Variants in DCC observed in about 807,000 individuals in gnomAD.
DCC encodes netrin receptor DCC.
A neutral mutation model predicts 172.5 loss-of-function variants in DCC; 58 were observed. The ratio of observed to expected loss-of-function variants is 0.34; its 90% CI spans 0.27 to 0.42. The LOEUF (loss-of-function observed/expected upper bound fraction) is 0.42. Ranked by LOEUF, DCC falls within the 10% of genes least tolerant of loss-of-function variation. The pLI is 1.00. For synonymous variants in DCC, 709 were observed against 644.5 expected (o/e 1.10, Z -1.52); for missense variants, 1,740 against 1,791.0 (o/e 0.97, Z 0.51).
In DCC at chr18:53,419,400, T is replaced by G. The variant is rs192801186; in HGVS notation, c.3163+3244T>G. On this transcript the variant is annotated intron_variant, in intron 21 of 28. Transcript: ENST00000442544. ...TCTTACTCATTATTTCTAACTATAT[T>G]TTTATACCCATTAATCATCTTCACC... is the stretch of plus-strand genomic sequence containing the variant. Among the ~76,000 whole-genome samples the G allele has an allele frequency of 2.8e-4, 42 of 152,228 alleles. 1 individual carries two copies. In the East Asian group the frequency reaches 8.1e-3, roughly 29 times the overall value.
intron 14 of DCC, among the ~76,000 whole-genome samples, chr18:53,338,719 TATTA>T (rs1281331880): frequency 2.0e-5 from 3 of 152,192 alleles, no homozygotes; most frequent in Non-Finnish European, 4.4e-5. Flanking sequence ...TATTAAAACA[TATTA>T]ATTTTCAACA....
At chr18:52,974,619 A>G (rs1270827030) in intron 5 of DCC, among the ~76,000 whole-genome samples, 1 of 152,230 alleles carries the variant, frequency 6.6e-6, no homozygotes, top group Non-Finnish European at 1.5e-5. Flanking sequence ...ATGAGAATAA[A>G]TAGTAACAGT....
intron 26 of DCC, 117 bp downstream of exon 26, chr18:53,487,075 G>A (rs2045910001): frequency 1.5e-6 from 2 of 1,320,066 alleles, no homozygotes; most frequent in Non-Finnish European, 2.1e-6. Flanking sequence ...TATGACTGTG[G>A]TACTAGAATG....
intron 1 of DCC, among the ~76,000 whole-genome samples, chr18:52,491,494 T>C (rs1002108275): frequency 6.6e-6 from 1 of 152,064 alleles, no homozygotes; most frequent in Non-Finnish European, 1.5e-5. Context: ...AAGGTCAGTA[T>C]GTTTATTTTA....
chr18:52,432,377 A>G (rs1987654115), intron 1 of DCC, among the ~76,000 whole-genome samples: 2 of 152,080 alleles, frequency 1.3e-5, no homozygotes, highest in South Asian at 4.1e-4. Flanking sequence ...TGCTCTTCTT[A>G]TTCTGATTTG....
chr18:52,668,146 T>C (rs2035488654), intron 1 of DCC, among the ~76,000 whole-genome samples: 1 of 152,192 alleles, frequency 6.6e-6, no homozygotes, highest in Non-Finnish European at 1.5e-5. Context: ...TTGCATTAAT[T>C]GAATATTAAT....
At chr18:53,302,908 A>G (rs1350066739) in intron 12 of DCC, among the ~76,000 whole-genome samples, 1 of 152,118 alleles carries the variant, frequency 6.6e-6, no homozygotes, top group Non-Finnish European at 1.5e-5. Flanking sequence ...ACTCTCCATG[A>G]GGCTCTAGTA....
At position 52,573,634 on chromosome 18, in the gene DCC, A is replaced by G. The variant is rs79739782; in HGVS notation, c.92-178420A>G. Among the ~76,000 whole-genome samples, 480 of 152,212 alleles carry G rather than the reference A, an allele frequency of 3.2e-3. 3 individuals carry two copies. Among genetic ancestry groups the G allele is most frequent in the African/African-American group, 0.011 (457 of 41,550 alleles). ...AAGGGCTGAATTAACCTCTGGTGAG[A>G]TCATCTGCTGTCTCTTTCTATTTCA... On this transcript the variant is annotated intron_variant, in intron 1 of 28. Transcript: ENST00000442544.
chr18:52,622,976 G>A (rs1365216000), intron 1 of DCC, among the ~76,000 whole-genome samples: 1 of 152,080 alleles, frequency 6.6e-6, no homozygotes, highest in East Asian at 1.9e-4. Context: ...TAAAACATAG[G>A]GGCTTATTTT....
chr18:52,417,728 C>A (rs530041090), intron 1 of DCC, among the ~76,000 whole-genome samples: 1 of 152,302 alleles, frequency 6.6e-6, no homozygotes, highest in Non-Finnish European at 1.5e-5. Flanking sequence ...TCCATCAGCT[C>A]CTTTAAGCAC....
intron 1 of DCC, among the ~76,000 whole-genome samples, chr18:52,613,520 G>T (rs1324645325): frequency 1.3e-5 from 2 of 152,162 alleles, no homozygotes; most frequent in Non-Finnish European, 1.5e-5. Flanking sequence ...CTCCCAAAGT[G>T]CTGGGATTAC....
intron 2 of DCC, among the ~76,000 whole-genome samples, chr18:52,841,687 AC>A (rs1806817932): frequency 6.6e-6 from 1 of 152,074 alleles, no homozygotes; most frequent in South Asian, 2.1e-4. Context: ...ACCTGTCCAG[AC>A]CCACTTTGCT....
chr18:53,407,527 G>GGATA (rs1311181258), intron 19 of DCC, among the ~76,000 whole-genome samples: 1 of 31,920 alleles, frequency 3.1e-5, no homozygotes, highest in Non-Finnish European at 6.6e-5. Context: ...TTTTTATTCT[G>GGATA]GATATATATA....
At chr18:52,553,954 A>C (rs1053320494) in intron 1 of DCC, among the ~76,000 whole-genome samples, 12 of 152,096 alleles carry the variant, frequency 7.9e-5, no homozygotes, top group African/African-American at 2.4e-4. Context: ...GGAGGAAATA[A>C]TGCTAGGTTC....
intron 7 of DCC, among the ~76,000 whole-genome samples, chr18:53,091,841 ATC>A (rs1568299253): frequency 0.011 from 743 of 64,754 alleles, 7 homozygotes; most frequent in African/African-American, 0.052. Context: ...CTATCTATCT[ATC>A]TATCTATCAA....
chr18:52,845,126 CAGAG>C (rs147002604), intron 2 of DCC, among the ~76,000 whole-genome samples: 3 of 152,172 alleles, frequency 2.0e-5, no homozygotes, highest in African/African-American at 4.8e-5. Context: ...AAAAGACAGA[CAGAG>C]AGAGGACAAA....
At chr18:53,163,068 A>G (rs769929767) in intron 8 of DCC, among the ~76,000 whole-genome samples, 1 of 152,224 alleles carries the variant, frequency 6.6e-6, no homozygotes, top group Non-Finnish European at 1.5e-5. Flanking sequence ...TGATTACATT[A>G]CTGTTATGGC....
intron 1 of DCC, among the ~76,000 whole-genome samples, chr18:52,710,786 A>G (rs938298796): frequency 6.6e-6 from 1 of 152,254 alleles, no homozygotes; most frequent in Non-Finnish European, 1.5e-5. Flanking sequence ...ATAGAGTAGT[A>G]TAAAGAACCG....
At chr18:52,577,661 A>G (rs778448640) in intron 1 of DCC, among the ~76,000 whole-genome samples, 5 of 152,174 alleles carry the variant, frequency 3.3e-5, no homozygotes, top group Non-Finnish European at 7.3e-5. Flanking sequence ...GAAGTAATGC[A>G]AGGCTTGTAA....
Sources: allele counts gnomAD v4.1 joint callset (sites outside exome capture counted in the v4.1 genomes callset), GRCh38; gene constraint gnomAD v4.1.1; transcripts MANE v1.5; gene names NCBI Gene and HGNC (gene_info 2026-07-23, HGNC 2026-07-21).